Variants in RLF observed in about 807,000 individuals in gnomAD.
The protein encoded by RLF is RLF zinc finger, also known as zinc finger protein Rlf.
In RLF, 7 loss-of-function variants were observed where a neutral mutation model predicts 162.9. The observed-to-expected ratio is 0.04, with a 90% confidence interval of 0.02 to 0.08. The LOEUF (loss-of-function observed/expected upper bound fraction) is 0.08. Among genes scored for constraint, RLF ranks in the 10% least tolerant of loss-of-function variants. RLF has a pLI of 1.00. For synonymous variants in RLF, 782 were observed against 791.5 expected, an observed-to-expected ratio of 0.99 and a Z score of 0.20; for missense variants, 1,664 against 2,244.7, an observed-to-expected ratio of 0.74 and a Z score of 5.23.
At chr1:40,196,567 A>G (rs900224112) in intron 4 of RLF, among the ~76,000 whole-genome samples, 3 of 152,130 alleles carry the variant, frequency 2.0e-5, no homozygotes, top group African/African-American at 7.2e-5. Context: ...TGGCACAATT[A>G]TGGCTCACTG....
In RLF at chr1:40,197,297, G is replaced by A. The variant is rs186183016; in HGVS notation, c.607+1533G>A. 1.7e-4 allele frequency among the ~76,000 whole-genome samples: 26 copies of A among 152,316 alleles called. 1 individual carries two copies. Among genetic ancestry groups the A allele is most frequent in the Admixed American group, 1.7e-3 (26 of 15,306 alleles). On this transcript the variant is annotated intron_variant, in intron 4 of 7. Coordinates refer to ENST00000372771, the MANE Select transcript of RLF (RefSeq NM_012421.4). ...TTGGTGTTTATAGTTTTCCATTGAG[G>A]TCCTCAATAAACGGCATCCCCTTGT...
At chr1:40,185,085 T>C (rs1183624550) in intron 1 of RLF, among the ~76,000 whole-genome samples, 1 of 152,024 alleles carries the variant, frequency 6.6e-6, no homozygotes, top group Non-Finnish European at 1.5e-5. Context: ...AAAAAAAGTT[T>C]TTTTTAATTG....
At chr1:40,227,732 T>C (rs2124557471) in intron 6 of RLF, among the ~76,000 whole-genome samples, 1 of 152,292 alleles carries the variant, frequency 6.6e-6, no homozygotes, top group East Asian at 1.9e-4. Flanking sequence ...TGGCCAGGCA[T>C]GGTGGTTTAC....
chr1:40,196,498 T>TTTTTG (rs143095767), intron 4 of RLF, among the ~76,000 whole-genome samples: 2 of 152,014 alleles, frequency 1.3e-5, no homozygotes, highest in South Asian at 2.1e-4. Context: ...GTTTTTGTTG[T>TTTTTG]TTTTGTTTTG....
At chr1:40,186,296 A>G (rs1236579555) in intron 1 of RLF, among the ~76,000 whole-genome samples, 1 of 152,210 alleles carries the variant, frequency 6.6e-6, no homozygotes, top group Non-Finnish European at 1.5e-5. Flanking sequence ...AAAAAAAGTG[A>G]TAATGAAGAA....
intron 6 of RLF, 27 bp downstream of exon 6, chr1:40,222,737 T>C: frequency 1.3e-6 from 2 of 1,588,290 alleles, no homozygotes; most frequent in Non-Finnish European, 1.7e-6. Context: ...TTACACTCTT[T>C]ATTTGTTAGT....
chr1:40,211,517 T>C (rs1253622180), intron 5 of RLF, among the ~76,000 whole-genome samples: 2 of 152,244 alleles, frequency 1.3e-5, no homozygotes, highest in Non-Finnish European at 2.9e-5. Flanking sequence ...GATTAATTTG[T>C]TAAATATACC....
chr1:40,224,306 CTT>C lies in RLF; in HGVS notation c.947+1615_947+1616del, dbSNP rs869123049. On this transcript the variant is annotated intron_variant, in intron 6 of 7. Coordinates refer to ENST00000372771, the MANE Select transcript of RLF (RefSeq NM_012421.4). ...CAAGCAATTCAAGGAGCAATTGCAT[CTT>C]TTTTTTTTTTTTTTTTTTGAGACGA... 3.9e-3 allele frequency among the ~76,000 whole-genome samples: 503 copies of C among 127,926 alleles called. 9 individuals carry two copies. Among genetic ancestry groups the C allele is most frequent in the East Asian group, 0.031 (138 of 4,384 alleles). The allele number at this position is 127,926 out of a possible 152,430, so 83.9% of individuals were successfully genotyped here.
At chr1:40,204,791 A>G (rs1570543116) in intron 5 of RLF, among the ~76,000 whole-genome samples, 1 of 152,044 alleles carries the variant, frequency 6.6e-6, no homozygotes, top group South Asian at 2.1e-4. Context: ...TTATTCTTCA[A>G]AACTATACTG....
chr1:40,172,775 A>T (rs1206543527), intron 1 of RLF, among the ~76,000 whole-genome samples: 4 of 152,144 alleles, frequency 2.6e-5, no homozygotes, highest in African/African-American at 9.7e-5. Flanking sequence ...CAAAAACAAA[A>T]ATGACTGGAT....
At chr1:40,168,999 A>T (rs1202345124) in intron 1 of RLF, among the ~76,000 whole-genome samples, 4 of 152,184 alleles carry the variant, frequency 2.6e-5, no homozygotes, top group African/African-American at 9.7e-5. Context: ...GTCTCAAAAA[A>T]AATAATAATA....
Position 40,237,980 on chromosome 1 carries a change from C to T in RLF, c.3278C>T (p.Ala1093Val). Residue 1093 changes from alanine (A) to valine (V), a missense_variant, in exon 8 of 8, where the codon GCT becomes GTT. Ala to Val is a moderately conservative substitution (Grantham distance 64, BLOSUM62 0). Transcript: ENST00000372771. The surrounding 1 kb of genome is among the most constrained non-coding windows in gnomAD (Gnocchi z 4.4). Reference sequence around the variant, plus strand: ...TTGCAGGGGTACCCATCCAGTGGTGCTAAGTCTCTTCAGTCAGTTTCATCT... The same window carrying T: ...TTGCAGGGGTACCCATCCAGTGGTGTTAAGTCTCTTCAGTCAGTTTCATCT... ...GSLQGYPSSG[A>V]KSLQSVSSIS... The T allele has an allele frequency of 1.9e-6, 3 of 1,614,116 alleles. No homozygotes were observed. Among genetic ancestry groups the T allele is most frequent in the Non-Finnish European group, 2.5e-6 (3 of 1,179,998 alleles).
At chr1:40,181,921 G>GC (rs1642409201) in intron 1 of RLF, among the ~76,000 whole-genome samples, 1 of 151,850 alleles carries the variant, frequency 6.6e-6, no homozygotes, top group African/African-American at 2.4e-5. Flanking sequence ...TTAGATAAGG[G>GC]GTGCTCATTT....
intron 5 of RLF, among the ~76,000 whole-genome samples, chr1:40,207,316 A>G (rs1165160248): frequency 6.6e-6 from 1 of 152,210 alleles, no homozygotes; most frequent in Non-Finnish European, 1.5e-5. Context: ...GGAACATTCC[A>G]CTCATGCTTT....
chr1:40,212,970 G>A (rs1042222193), intron 5 of RLF, among the ~76,000 whole-genome samples: 3 of 152,154 alleles, frequency 2.0e-5, no homozygotes, highest in African/African-American at 4.8e-5. Context: ...GTTTAATTAA[G>A]TTTAAAATAT....
chr1:40,240,475 G>A lies in RLF; in HGVS notation c.*28G>A. 1 of 1,519,356 alleles carries A rather than the reference G, an allele frequency of 6.6e-7. No homozygotes were observed. Among genetic ancestry groups the A allele is most frequent in the Non-Finnish European group, 9.1e-7 (1 of 1,104,394 alleles). 94.1% of individuals were successfully genotyped at this position (1,519,356 alleles called of 1,614,324 possible). On this transcript the variant is annotated 3_prime_UTR_variant, in exon 8 of 8. Coordinates refer to ENST00000372771, the MANE Select transcript of RLF (RefSeq NM_012421.4). Reference sequence around the variant, plus strand: ...AGCAATTTTGTTTTAGTAACAGACTGGCTCCAACACTGCAACATGGGGACA... The same window carrying A: ...AGCAATTTTGTTTTAGTAACAGACTAGCTCCAACACTGCAACATGGGGACA...
rs1557765685 is a variant in RLF at position 40,240,654 on chromosome 1, T to G, written c.*207T>G. The G allele has an allele frequency of 1.9e-6, 1 of 520,002 alleles. No homozygotes were observed. The highest frequency in any genetic ancestry group is 3.2e-5 in the East Asian group (1 of 31,360). The allele number at this position is 520,002 out of a possible 1,614,324, so 32.2% of individuals were successfully genotyped here. A position where few individuals can be genotyped will look rare whatever the true frequency, so the allele number is the denominator to read the frequency against. ...TTTAATGATTGGGTTTATTTTTGTTTGTTTGTTTATTAAAAAAATGGAACT... is the reference window on the plus strand; with the variant it reads ...TTTAATGATTGGGTTTATTTTTGTTGGTTTGTTTATTAAAAAAATGGAACT... On this transcript the variant is annotated 3_prime_UTR_variant, in exon 8 of 8. Transcript: ENST00000372771.
At chr1:40,194,257 T>A (rs1289172853) in intron 3 of RLF, among the ~76,000 whole-genome samples, 1 of 152,212 alleles carries the variant, frequency 6.6e-6, no homozygotes, top group East Asian at 1.9e-4. Flanking sequence ...TTTGTGTCAC[T>A]AAGTAATACT....
intron 6 of RLF, among the ~76,000 whole-genome samples, chr1:40,227,011 C>T (rs1643087080): frequency 6.6e-6 from 1 of 152,048 alleles, no homozygotes; most frequent in Non-Finnish European, 1.5e-5. Context: ...TTATAGGTGC[C>T]AGCCACCACG....
Sources: allele counts gnomAD v4.1 joint callset (sites outside exome capture counted in the v4.1 genomes callset), GRCh38; gene constraint gnomAD v4.1.1; non-coding constraint Gnocchi (gnomAD v3.1); transcripts MANE v1.5; gene names NCBI Gene and HGNC (gene_info 2026-07-23, HGNC 2026-07-21).